TRERF1: variants seen among roughly 807,000 people sequenced by gnomAD.
The protein encoded by TRERF1 is transcriptional regulating factor 1, also known as transcriptional-regulating factor 1.
TRERF1 carries 27 observed loss-of-function variants against 122.9 expected under a neutral mutation model. The observed-to-expected ratio is 0.22, with a 90% CI of 0.16 to 0.30. TRERF1 has a LOEUF of 0.30. TRERF1 is among the 10% of genes least tolerant of loss of function. TRERF1 has a pLI of 1.00. For synonymous variants in TRERF1, 636 were observed against 641.7 expected (o/e 0.99, Z 0.13); for missense variants, 1,248 against 1,560.3 (o/e 0.80, Z 3.37).
chr6:42,226,757 T>G (rs1355178344), exon 18 of TRERF1: 2 of 152,270 alleles, frequency 1.3e-5, no homozygotes, highest in Non-Finnish European at 1.5e-5. Context: ...CCTACTCTCA[T>G]GCTTCTGCTG....
At chr6:42,428,434 C>T (rs138065740) in intron 2 of TRERF1, among the ~76,000 whole-genome samples, 3 of 152,136 alleles carry the variant, frequency 2.0e-5, no homozygotes, top group Non-Finnish European at 2.9e-5. Flanking sequence ...AATCAGTGGG[C>T]GTTGCTACTT....
chr6:42,444,551 C>T (rs533561855), intron 2 of TRERF1, among the ~76,000 whole-genome samples: 111 of 152,216 alleles, frequency 7.3e-4, no homozygotes, highest in African/African-American at 2.5e-3. Context: ...CCCCTGCCTG[C>T]CCACTCCTTA....
intron 2 of TRERF1, among the ~76,000 whole-genome samples, chr6:42,370,462 T>C (rs181193851): frequency 9.8e-4 from 150 of 152,312 alleles, no homozygotes; most frequent in Non-Finnish European, 1.9e-3. Flanking sequence ...CACATGCCTA[T>C]AGTCTCAGCT....
At chr6:42,357,865 G>A (rs1433478460) in intron 3 of TRERF1, among the ~76,000 whole-genome samples, 4 of 152,196 alleles carry the variant, frequency 2.6e-5, no homozygotes, top group African/African-American at 4.8e-5. Context: ...GGCAGGGGTG[G>A]TTGGGTGTAT....
chr6:42,279,634 C>T (rs1264138596), intron 4 of TRERF1, among the ~76,000 whole-genome samples: 2 of 152,170 alleles, frequency 1.3e-5, no homozygotes, highest in Admixed American at 6.5e-5. Flanking sequence ...GAACAGCCTC[C>T]GGCAGGTGGG....
intron 2 of TRERF1, among the ~76,000 whole-genome samples, chr6:42,363,686 A>G (rs1045148161): frequency 6.6e-6 from 1 of 152,148 alleles, no homozygotes; most frequent in African/African-American, 2.4e-5. Context: ...ACGAGGTCCT[A>G]CTGAAGTAGG....
chr6:42,357,328 C>CAAAAAAAAAAAA (rs35651008), intron 3 of TRERF1, among the ~76,000 whole-genome samples: 1 of 61,154 alleles, frequency 1.6e-5, no homozygotes, highest in South Asian at 4.5e-4. Flanking sequence ...GACTCTGTCT[C>CAAAAAAAAAAAA]AAAAAAAAAA....
chr6:42,444,783 G>A (rs895808993), intron 2 of TRERF1, among the ~76,000 whole-genome samples: 1 of 152,062 alleles, frequency 6.6e-6, no homozygotes, highest in Non-Finnish European at 1.5e-5. Context: ...TTTCCCTTGT[G>A]CACATCCTTC....
intron 2 of TRERF1, among the ~76,000 whole-genome samples, chr6:42,379,342 A>ACCACCCCAGCT (rs1554195879): frequency 6.6e-6 from 1 of 152,044 alleles, no homozygotes; most frequent in Non-Finnish European, 1.5e-5. Context: ...TGGAGTCTCC[A>ACCACCCCAGCT]CCACCCCAGC....
Position 42,232,640 on chromosome 6 carries a change from C to T in TRERF1, c.3278+41G>A, listed in dbSNP as rs778688421. 6.5e-7 allele frequency: 1 copy of T among 1,536,148 alleles called. No homozygotes were observed. Among genetic ancestry groups the T allele is most frequent in the Admixed American group, 1.9e-5 (1 of 52,148 alleles). On this transcript the variant is annotated intron_variant, in intron 17 of 17. Transcript: ENST00000372922. The surrounding 1 kb of genome is among the most constrained non-coding windows in gnomAD (Gnocchi z 4.5). ...GCCCAGCTCCCATAGAGCGACTACC[C>T]ATCATGAACTCAGATTCAGTCCCCG...
chr6:42,270,974 A>G, intron 4 of TRERF1, among the ~76,000 whole-genome samples: 1 of 151,690 alleles, frequency 6.6e-6, no homozygotes, highest in East Asian at 1.9e-4. Context: ...TCACCGTGTT[A>G]GCCAGGATGG....
At chr6:42,361,215 C>T (rs1357190929) in intron 3 of TRERF1, among the ~76,000 whole-genome samples, 5 of 152,174 alleles carry the variant, frequency 3.3e-5, no homozygotes, top group African/African-American at 1.2e-4. Context: ...CAGTCTGCAA[C>T]GTGAAAGCAA....
At chr6:42,332,456 C>A (rs1335774548) in intron 3 of TRERF1, among the ~76,000 whole-genome samples, 1 of 152,176 alleles carries the variant, frequency 6.6e-6, no homozygotes. Flanking sequence ...AAGCTGGGGG[C>A]AATGCCAACT....
At chr6:42,329,708 T>C (rs1334592298) in intron 3 of TRERF1, among the ~76,000 whole-genome samples, 1 of 152,098 alleles carries the variant, frequency 6.6e-6, no homozygotes, top group Non-Finnish European at 1.5e-5. Context: ...TGTACTGATT[T>C]GGCTGGGCAC....
At chr6:42,418,218 CTTTTTTT>C (rs34388801) in intron 2 of TRERF1, among the ~76,000 whole-genome samples, 2 of 34,656 alleles carry the variant, frequency 5.8e-5, no homozygotes, top group African/African-American at 2.1e-4. Flanking sequence ...TTTTTCTTTC[CTTTTTTT>C]TTTTTTTTTT....
Position 42,249,248 on chromosome 6 carries a change from A to T in TRERF1, c.2657-2704T>A, listed in dbSNP as rs183435725. Among the ~76,000 whole-genome samples the T allele has an allele frequency of 2.4e-4, 36 of 152,226 alleles. No homozygotes were observed. The East Asian group carries it at 6.7e-3, about 29-fold the overall frequency. ...GATAATTCTTTCCAACCTCAACCAG[A>T]CCATCAGTTTCCTAAGTTAGAGTGC... On this transcript the variant is annotated intron_variant, in intron 13 of 17. Transcript: ENST00000372922.
chr6:42,354,546 T>C (rs529313452), intron 3 of TRERF1, among the ~76,000 whole-genome samples: 1 of 152,332 alleles, frequency 6.6e-6, no homozygotes, highest in East Asian at 1.9e-4. Context: ...CTGTAATTCA[T>C]TTTGGTGAAG....
intron 4 of TRERF1, among the ~76,000 whole-genome samples, chr6:42,289,338 AC>A (rs1783872894): frequency 6.9e-6 from 1 of 145,022 alleles, no homozygotes. Flanking sequence ...CTCAAAAAAA[AC>A]AAACAAACAA....
At chr6:42,373,395 C>T (rs756840192) in intron 2 of TRERF1, among the ~76,000 whole-genome samples, 13 of 152,224 alleles carry the variant, frequency 8.5e-5, no homozygotes, top group South Asian at 2.1e-4. Flanking sequence ...AGGCTGGGCA[C>T]GGTGGCTCAC....
Sources: allele counts gnomAD v4.1 joint callset (sites outside exome capture counted in the v4.1 genomes callset), GRCh38; gene constraint gnomAD v4.1.1; non-coding constraint Gnocchi (gnomAD v3.1); transcripts MANE v1.5; gene names NCBI Gene and HGNC (gene_info 2026-07-23, HGNC 2026-07-21).